The following UROC1 variants were observed in gnomAD, a reference collection of about 807,000 sequenced individuals.
The protein encoded by UROC1 is urocanate hydratase.
UROC1 carries 79 observed loss-of-function variants against 89.5 expected under a neutral mutation model. That is an observed-to-expected ratio of 0.88 (90% CI 0.74 to 1.06). The LOEUF is 1.06. UROC1 is among the 50% of genes least tolerant of loss of function. UROC1 has a pLI of 0.00. For missense variants in UROC1, 885 were observed against 907.8 expected, an observed-to-expected ratio of 0.97 and a Z score of 0.32; for synonymous variants, 361 against 354.8, an observed-to-expected ratio of 1.02 and a Z score of -0.20.
rs775098802 is a variant in UROC1 at position 126,509,756 on chromosome 3, G to A, written c.258-78C>T. On this transcript the variant is annotated intron_variant, in intron 2 of 19. Transcript: ENST00000290868. ...CTAGCCTGGCCCCGCCCAGCCCCTG[G>A]CCGCTCAGGCAAGGATAGCCGGACA... The A allele has an allele frequency of 2.9e-6, 4 of 1,357,606 alleles. No individual in the cohort carries two copies. The Admixed American group carries it at 5.9e-5, about 20-fold the overall frequency. 84.1% of individuals were successfully genotyped at this position (1,357,606 alleles called of 1,614,324 possible). A position where few individuals can be genotyped will look rare whatever the true frequency, so the allele number is the denominator to read the frequency against.
In UROC1 at chr3:126,517,722, G is replaced by A. The variant is rs765620467; in HGVS notation, c.-3C>T. The A allele has an allele frequency of 3.2e-6, 5 of 1,571,014 alleles. No individual in the cohort carries two copies. In the African/African-American group the frequency reaches 5.4e-5, roughly 17 times the overall value. ...CACAGCGCCTGGAGGCTAGACATGT[G>A]TGACTGAGATGGAGGCAGAGGCCAG... On this transcript the variant is annotated 5_prime_UTR_variant, in exon 1 of 20. Transcript: ENST00000290868.
rs772135423 is a variant in UROC1, at chr3:126,504,078, A to G, written c.819T>C (p.Asp273=). ...VGCIGVIAEV[D]KAALEKRHRQ... Reference sequence around the variant, plus strand: ...TGTGGCGTTTCTCAAGGGCTGCTTTATCCACCTGGGGCCATGAGACATGGG... The same window carrying G: ...TGTGGCGTTTCTCAAGGGCTGCTTTGTCCACCTGGGGCCATGAGACATGGG... Residue 273 remains aspartate, a synonymous_variant, in exon 9 of 20, where the codon GAT becomes GAC. Coordinates refer to ENST00000290868, the MANE Select transcript of UROC1 (RefSeq NM_144639.3). 16 of 1,613,874 alleles carry G rather than the reference A, an allele frequency of 9.9e-6. No homozygotes were observed. Among genetic ancestry groups the G allele is most frequent in the Non-Finnish European group, 1.3e-5 (15 of 1,180,032 alleles).
chr3:126,483,154 C>G (rs1200882297), intron 19 of UROC1, among the ~76,000 whole-genome samples: 2 of 152,188 alleles, frequency 1.3e-5, no homozygotes, highest in Non-Finnish European at 2.9e-5. Flanking sequence ...TCCAAGCCTC[C>G]CCTCATTCTC....
intron 16 of UROC1, among the ~76,000 whole-genome samples, chr3:126,492,086 C>CA (rs1553806076): frequency 6.6e-6 from 1 of 151,982 alleles, no homozygotes; most frequent in Non-Finnish European, 1.5e-5. Context: ...CCTGCTCCCC[C>CA]AGGCCCTCCT....
intron 1 of UROC1, among the ~76,000 whole-genome samples, chr3:126,511,427 C>T (rs1936194229): frequency 6.6e-6 from 1 of 152,214 alleles, no homozygotes; most frequent in Non-Finnish European, 1.5e-5. Context: ...ATTTCACAGC[C>T]TGCTGGTTAG....
At chr3:126,504,191 G>T in intron 8 of UROC1, 108 bp from the exon 9 acceptor site, 1 of 1,111,906 alleles carries the variant, frequency 9.0e-7, no homozygotes, top group Non-Finnish European at 1.4e-6. Context: ...TAGGTCCCTT[G>T]CTTTTCTATA....
Position 126,482,029 on chromosome 3 carries a change from C to T in UROC1, c.*316G>A, listed in dbSNP as rs765807279. On this transcript the variant is annotated 3_prime_UTR_variant, in exon 20 of 20. Coordinates refer to ENST00000290868, the MANE Select transcript of UROC1 (RefSeq NM_144639.3). Reference sequence around the variant, plus strand: ...AAGCAGAGGGTGTGATCATCCCAGCCGGAGAGAGCTTGACCAGTGTTCACC... The same window carrying T: ...AAGCAGAGGGTGTGATCATCCCAGCTGGAGAGAGCTTGACCAGTGTTCACC... 4 of 399,170 alleles carry T rather than the reference C, an allele frequency of 1.0e-5. No individual in the cohort carries two copies. The highest frequency in any genetic ancestry group is 2.8e-5 in the South Asian group (1 of 35,418). The allele number at this position is 399,170 out of a possible 1,614,324, so 24.7% of individuals were successfully genotyped here.
At chr3:126,501,303 C>CAGGTGCCCCCTGCACCTGAGCAT in intron 9 of UROC1, 23 bp from the exon 10 acceptor site, 1 of 1,613,706 alleles carries the variant, frequency 6.2e-7, no homozygotes, top group Non-Finnish European at 8.5e-7. Flanking sequence ...AAAAGCAGAA[C>CAGGTGCCCCCTGCACCTGAGCAT]AGGTGCCCCC....
chr3:126,488,406 A>T, intron 17 of UROC1, 127 bp from the exon 18 acceptor site: 1 of 972,740 alleles, frequency 1.0e-6, no homozygotes, highest in East Asian at 2.5e-5. Flanking sequence ...ACTAGGCCCT[A>T]GGGACAGGGC....
At chr3:126,510,359 A>T (rs1332248921) in intron 2 of UROC1, among the ~76,000 whole-genome samples, 2 of 152,222 alleles carry the variant, frequency 1.3e-5, no homozygotes, top group Non-Finnish European at 2.9e-5. Flanking sequence ...CATGGTTTTT[A>T]AAAGGGGTTT....
Position 126,489,382 on chromosome 3 carries a change from A to G in UROC1, c.1609-7T>C, listed in dbSNP as rs1378787890. On this transcript the variant is annotated splice_region_variant and splice_polypyrimidine_tract_variant and intron_variant, in intron 16 of 19. Transcript: ENST00000290868. ...GGCTCAGGACCACCGGCGCCTGTGC[A>G]TGGAAGGACAGAAGCTGTCAGCCAA... 1 of 1,610,486 alleles carries G rather than the reference A, an allele frequency of 6.2e-7. No homozygotes were observed. The highest frequency in any genetic ancestry group is 1.7e-5 in the Admixed American group (1 of 60,022).
intron 14 of UROC1, 143 bp downstream of exon 14, chr3:126,497,908 C>T: frequency 2.8e-6 from 4 of 1,410,396 alleles, no homozygotes; most frequent in African/African-American, 1.4e-5. Context: ...GCCAGCTGAG[C>T]ACCCACCAGA....
In UROC1 at chr3:126,510,764, G is replaced by C. The variant is rs1576730716; in HGVS notation, c.157C>G (p.Pro53Ala). 6.2e-7 allele frequency: 1 copy of C among 1,614,008 alleles called. No homozygotes were observed. The highest frequency in any genetic ancestry group is 8.5e-7 in the Non-Finnish European group (1 of 1,180,038). ...GCCAGCAGCTCCTGGACATCCGGGG[G>C]GAAGTAGCGCAGGGCGTTCCTCAGC... is the stretch of plus-strand genomic sequence containing the variant. Reference protein sequence around the residue: ...LALRNALRYFPPDVQELLAPE... With the variant: ...LALRNALRYFAPDVQELLAPE... The change falls in exon 2 of 20, where the codon CCC (proline) becomes GCC (alanine). Residue 53 changes from proline to alanine, a missense_variant. Physicochemically the swap from Pro to Ala is conservative, Grantham distance 27. Coordinates refer to ENST00000290868, the MANE Select transcript of UROC1 (RefSeq NM_144639.3).
At chr3:126,495,483 C>T (rs1329480238) in intron 15 of UROC1, among the ~76,000 whole-genome samples, 1 of 152,196 alleles carries the variant, frequency 6.6e-6, no homozygotes, top group East Asian at 1.9e-4. Flanking sequence ...TCAGCACTCC[C>T]TTCCGTTTGA....
chr3:126,501,411 G>T (rs1015699879), intron 9 of UROC1, 131 bp from the exon 10 acceptor site: 11 of 1,084,900 alleles, frequency 1.0e-5, no homozygotes, highest in Non-Finnish European at 1.4e-5. Context: ...AAACGTGGGG[G>T]CCATGGGGCT....
In UROC1 at chr3:126,506,111, A is replaced by G. The variant is rs547891014; in HGVS notation, c.603-100T>C. 34 of 1,259,896 alleles carry G rather than the reference A, an allele frequency of 2.7e-5. No individual in the cohort carries two copies. The African/African-American group carries it at 4.5e-4, about 17-fold the overall frequency. 78.0% of individuals were successfully genotyped at this position (1,259,896 alleles called of 1,614,324 possible). ...GGAGGTTGAAAATTAGTATTTAACT[A>G]CCCAATAGGCATTAATATATTCTCC... On this transcript the variant is annotated intron_variant, in intron 6 of 19. Coordinates refer to ENST00000290868, the MANE Select transcript of UROC1 (RefSeq NM_144639.3).
chr3:126,506,438 T>G (rs960715418), intron 6 of UROC1, among the ~76,000 whole-genome samples: 6 of 150,806 alleles, frequency 4.0e-5, no homozygotes, highest in Non-Finnish European at 8.9e-5. Context: ...GAGAAGTGAG[T>G]GGCGGAAACA....
chr3:126,492,372 G>A (rs377699011), intron 16 of UROC1, 46 bp downstream of exon 16: 12 of 1,565,762 alleles, frequency 7.7e-6, no homozygotes, highest in Non-Finnish European at 1.0e-5. Context: ...GAAAGGCAGT[G>A]GGAAGAGGCT....
chr3:126,504,346 C>T (rs550451091), intron 8 of UROC1, among the ~76,000 whole-genome samples: 2 of 152,326 alleles, frequency 1.3e-5, no homozygotes, highest in African/African-American at 4.8e-5. Flanking sequence ...ATCACAAGGA[C>T]TTGTCCACGA....
Sources: gnomAD v4.1 joint callset for allele counts (sites outside exome capture counted in the v4.1 genomes callset) on GRCh38, gnomAD v4.1.1 for gene constraint, MANE v1.5 for transcripts, NCBI Gene and HGNC (gene_info 2026-07-23, HGNC 2026-07-21) for gene names.